SFXN5: variants seen among roughly 807,000 people sequenced by gnomAD.
SFXN5 encodes sideroflexin-5.
Under a neutral mutation model 50.2 loss-of-function variants are expected in SFXN5, and 43 were observed. The ratio of observed to expected loss-of-function variants is 0.86; its 90% confidence interval spans 0.67 to 1.11. The LOEUF (loss-of-function observed/expected upper bound fraction) is 1.11. Among genes scored for constraint, SFXN5 ranks in the 50% least tolerant of loss-of-function variants. The pLI, the probability that SFXN5 is intolerant of heterozygous loss-of-function variation, is 0.00. For missense variants in SFXN5, 463 were observed against 454.1 expected (o/e 1.02, Z -0.18); for synonymous variants, 203 against 185.8 (o/e 1.09, Z -0.75).
intron 3 of SFXN5, among the ~76,000 whole-genome samples, chr2:73,040,013 G>A (rs1408475255): frequency 1.3e-5 from 2 of 151,880 alleles, no homozygotes; most frequent in Non-Finnish European, 2.9e-5. Context: ...GTTTCACCAC[G>A]TTGCCCAGGC....
rs1003000081 is a variant in SFXN5, at chr2:72,943,736, G to A, written c.*1286C>T. The stretch of plus-strand genomic sequence containing the variant: ...ACACAAGGCAAGGCCTTCTGCTGAG[G>A]CCAACTGCAGGTCCAAAGGGGCCTG... On this transcript the variant is annotated 3_prime_UTR_variant, in exon 14 of 14. Coordinates refer to ENST00000272433, the MANE Select transcript of SFXN5 (RefSeq NM_144579.3). 4 of 152,764 alleles carry A rather than the reference G, an allele frequency of 2.6e-5. No homozygotes were observed. The highest frequency in any genetic ancestry group is 7.2e-5 in the African/African-American group (3 of 41,464). 9.5% of individuals were successfully genotyped at this position (152,764 alleles called of 1,614,324 possible).
In SFXN5 at chr2:72,961,194, C is replaced by T. The variant is rs34069977; in HGVS notation, c.882G>A (p.Val294=). 198 of 1,566,178 alleles carry T rather than the reference C, an allele frequency of 1.3e-4. 1 individual carries two copies. In the African/African-American group the frequency reaches 2.5e-3, roughly 19 times the overall value. The change falls in exon 13 of 14, where the codon GTG becomes GTA. Residue 294 remains valine, a synonymous_variant. Coordinates refer to ENST00000272433, the MANE Select transcript of SFXN5 (RefSeq NM_144579.3). This position sits in a 1 kb window ranked among gnomAD's most constrained non-coding sequence, Gnocchi z 4.4. Reference sequence around the variant, plus strand: ...GGGCCAGGCCGAAGGCTGCCAGGCACACGAGGCTTTGCACAGGGAGGAGCA... The same window carrying T: ...GGGCCAGGCCGAAGGCTGCCAGGCATACGAGGCTTTGCACAGGGAGGAGCA... The part of the protein sequence containing the change: ...PRLLLPVQSL[V]CLAAFGLALP...
At chr2:73,064,285 G>A (rs1683019477) in intron 1 of SFXN5, among the ~76,000 whole-genome samples, 1 of 152,262 alleles carries the variant, frequency 6.6e-6, no homozygotes, top group Admixed American at 6.5e-5. Context: ...GGCTGGGCCA[G>A]CCCAGTAGTC....
At chr2:73,054,159 G>A (rs1681773251) in intron 2 of SFXN5, among the ~76,000 whole-genome samples, 2 of 152,136 alleles carry the variant, frequency 1.3e-5, no homozygotes, top group African/African-American at 4.8e-5. Flanking sequence ...TCTTCTGTTG[G>A]CAGAAGCTTT....
intron 6 of SFXN5, among the ~76,000 whole-genome samples, chr2:73,002,507 A>G (rs1237182611): frequency 6.6e-6 from 1 of 152,236 alleles, no homozygotes; most frequent in African/African-American, 2.4e-5. Context: ...GTGCACAACC[A>G]TCCACATATT....
rs1009754113 is a variant in SFXN5 at position 72,951,737 on chromosome 2, C to T, written c.946-6638G>A. Among the ~76,000 whole-genome samples the T allele has an allele frequency of 3.9e-5, 6 of 152,030 alleles. No homozygotes were observed. In the East Asian group the frequency reaches 9.6e-4, roughly 24 times the overall value. ...CATGGGGCTGGGGGGGTGGGGTGTT[C>T]GGTGTGACCCTGTGACATAGCTCAA... On this transcript the variant is annotated intron_variant, in intron 13 of 13. Transcript: ENST00000272433.
chr2:72,982,775 G>A (rs1000672391), intron 10 of SFXN5, among the ~76,000 whole-genome samples: 13 of 152,210 alleles, frequency 8.5e-5, no homozygotes, highest in African/African-American at 3.1e-4. Flanking sequence ...GAGGTAGTGG[G>A]AAGAGCAGGT....
intron 1 of SFXN5, chr2:73,071,347 G>A (rs934220716): frequency 8.7e-6 from 4 of 458,838 alleles, no homozygotes; most frequent in Non-Finnish European, 1.2e-5. Context: ...GGCGCCGCGG[G>A]CGGGAAAGGC....
chr2:72,957,120 C>T (rs867084102), intron 13 of SFXN5: 2 of 455,654 alleles, frequency 4.4e-6, no homozygotes, highest in African/African-American at 2.0e-5. Flanking sequence ...TGGACCACAT[C>T]CCCTTTCTCA....
intron 2 of SFXN5, among the ~76,000 whole-genome samples, chr2:73,047,202 A>G (rs1431609664): frequency 7.7e-6 from 1 of 129,674 alleles, no homozygotes; most frequent in Non-Finnish European, 1.6e-5. Flanking sequence ...TGGGTGACAG[A>G]GTGAGACTCC....
In SFXN5 at chr2:72,943,619, C is replaced by T. The variant is rs1671646188; in HGVS notation, c.*1403G>A. ...GAGAGGCGACACATGGGTATGGCCC[C>T]ACCATCAGGCCCAGGCATCTATGTT... On this transcript the variant is annotated 3_prime_UTR_variant, in exon 14 of 14. Coordinates refer to ENST00000272433, the MANE Select transcript of SFXN5 (RefSeq NM_144579.3). The T allele has an allele frequency of 6.5e-6, 1 of 152,784 alleles. No homozygotes were observed. The highest frequency in any genetic ancestry group is 2.4e-5 in the African/African-American group (1 of 41,464). The allele number at this position is 152,784 out of a possible 1,614,324, so 9.5% of individuals were successfully genotyped here. A position where few individuals can be genotyped will look rare whatever the true frequency, so the allele number is the denominator to read the frequency against.
At chr2:73,012,103 T>A (rs975303477) in intron 6 of SFXN5, among the ~76,000 whole-genome samples, 1 of 152,134 alleles carries the variant, frequency 6.6e-6, no homozygotes, top group Admixed American at 6.5e-5. Context: ...AATAAGTATA[T>A]TGTTATATTT....
chr2:73,022,182 A>C (rs1192450869), intron 5 of SFXN5, among the ~76,000 whole-genome samples: 1 of 152,188 alleles, frequency 6.6e-6, no homozygotes, highest in Non-Finnish European at 1.5e-5. Context: ...AATGACTTGC[A>C]GAAGCCAGGG....
At chr2:73,007,075 A>T (rs78752814) in intron 6 of SFXN5, among the ~76,000 whole-genome samples, 1,708 of 152,254 alleles carry the variant, frequency 0.011, 29 homozygotes, top group African/African-American at 0.039. Context: ...GGCACCCCCA[A>T]ATATCTCAGT....
At chr2:72,965,529 C>A (rs1018014865) in intron 12 of SFXN5, among the ~76,000 whole-genome samples, 1 of 152,094 alleles carries the variant, frequency 6.6e-6, no homozygotes, top group African/African-American at 2.4e-5. Context: ...AAAAAAGTAC[C>A]CTGTAACATA....
At position 72,961,057 on chromosome 2, in the gene SFXN5, G is replaced by C; in HGVS notation, c.945+74C>G. On this transcript the variant is annotated intron_variant, in intron 13 of 13. Transcript: ENST00000272433. This position sits in a 1 kb window ranked among gnomAD's most constrained non-coding sequence, Gnocchi z 4.4. ...AGCATGGCGCTAAGGAGTCGGCACG[G>C]TATGAGTATTTGTTCAGAAATCACC... is the stretch of plus-strand genomic sequence containing the variant. 1 of 1,094,752 alleles carries C rather than the reference G, an allele frequency of 9.1e-7. No individual in the cohort carries two copies. Among genetic ancestry groups the C allele is most frequent in the South Asian group, 1.7e-5 (1 of 58,040 alleles). The allele number at this position is 1,094,752 out of a possible 1,614,324, so 67.8% of individuals were successfully genotyped here. A position where few individuals can be genotyped will look rare whatever the true frequency, so the allele number is the denominator to read the frequency against.
intron 13 of SFXN5, among the ~76,000 whole-genome samples, chr2:72,957,699 T>A (rs1351782691): frequency 6.6e-6 from 1 of 152,222 alleles, no homozygotes; most frequent in Non-Finnish European, 1.5e-5. Context: ...AAGCACCTTG[T>A]TAGGGAGAAT....
intron 9 of SFXN5, 169 bp downstream of exon 9, chr2:72,998,780 C>T (rs1673556052): frequency 1.5e-6 from 1 of 670,388 alleles, no homozygotes; most frequent in African/African-American, 1.8e-5. Flanking sequence ...GCTCTGTCTA[C>T]TGGAGCCTCT....
At chr2:72,957,072 C>T in intron 13 of SFXN5, 1 of 456,692 alleles carries the variant, frequency 2.2e-6, no homozygotes, top group Non-Finnish European at 4.4e-6. Context: ...CCCTTGGCTG[C>T]TTCTTCCCCT....
Sources: gnomAD v4.1 joint callset for allele counts (sites outside exome capture counted in the v4.1 genomes callset) on GRCh38, gnomAD v4.1.1 for gene constraint, Gnocchi (gnomAD v3.1) non-coding constraint, MANE v1.5 for transcripts, NCBI Gene and HGNC (gene_info 2026-07-23, HGNC 2026-07-21) for gene names.